PARD3B: variants seen among roughly 807,000 people sequenced by gnomAD.
PARD3B encodes partitioning defective 3 homolog B.
PARD3B carries 103 observed loss-of-function variants against 130.2 expected under a neutral mutation model. The observed-to-expected ratio is 0.79, with a 90% CI of 0.67 to 0.93. PARD3B has a LOEUF of 0.93. Among genes scored for constraint, PARD3B ranks in the 40% least tolerant of loss-of-function variants. PARD3B has a pLI of 0.00. For missense variants in PARD3B, 1,609 were observed against 1,499.2 expected (o/e 1.07, Z -1.21); for synonymous variants, 583 against 553.2 (o/e 1.05, Z -0.76).
chr2:205,295,803 G>T (rs2041768875), intron 16 of PARD3B, among the ~76,000 whole-genome samples: 1 of 152,086 alleles, frequency 6.6e-6, no homozygotes, highest in African/African-American at 2.4e-5. Context: ...GGGCAACTAA[G>T]ACTCCACTAT....
chr2:205,183,730 T>TTGTGTG lies in PARD3B; in HGVS notation c.1925-1995_1925-1990dup, dbSNP rs71410805. Among the ~76,000 whole-genome samples, 18,126 of 138,024 alleles carry TTGTGTG rather than the reference T, an allele frequency of 0.13. 1,265 individuals carry two copies. Among genetic ancestry groups the TTGTGTG allele is most frequent in the Non-Finnish European group, 0.16 (10,100 of 64,098 alleles). The allele number at this position is 138,024 out of a possible 152,430, so 90.5% of individuals were successfully genotyped here. On this transcript the variant is annotated intron_variant, in intron 13 of 22. Coordinates refer to ENST00000406610, the MANE Select transcript of PARD3B (RefSeq NM_001302769.2). The surrounding 1 kb of genome is among the most constrained non-coding windows in gnomAD (Gnocchi z 5.2). ...GGTTCTGCAGAGAAACAGAACCAAG[T>TTGTGTG]TGTGTGTGTGTGTGTGTGTGTGTGT...
At position 205,258,624 on chromosome 2, in the gene PARD3B, C is replaced by T. The variant is rs2040187288; in HGVS notation, c.2185+12802C>T. Reference sequence around the variant, plus strand: ...CCCCAGTTCCAAAAGCAGTGTGTGGCACACGGCAGGCATCCTTTACGTAGT... The same window carrying T: ...CCCCAGTTCCAAAAGCAGTGTGTGGTACACGGCAGGCATCCTTTACGTAGT... On this transcript the variant is annotated intron_variant, in intron 16 of 22. Coordinates refer to ENST00000406610, the MANE Select transcript of PARD3B (RefSeq NM_001302769.2). The surrounding 1 kb of genome is among the most constrained non-coding windows in gnomAD (Gnocchi z 4.9). Among the ~76,000 whole-genome samples, 1 of 152,170 alleles carries T rather than the reference C, an allele frequency of 6.6e-6. No homozygotes were observed. The highest frequency in any genetic ancestry group is 1.5e-5 in the Non-Finnish European group (1 of 68,022).
chr2:204,550,700 G>T (rs970920521), intron 1 of PARD3B, among the ~76,000 whole-genome samples: 1 of 152,168 alleles, frequency 6.6e-6, no homozygotes, highest in Non-Finnish European at 1.5e-5. Flanking sequence ...TGAATAATAT[G>T]TTTGTTTTAC....
intron 1 of PARD3B, among the ~76,000 whole-genome samples, chr2:204,567,150 G>T (rs970731793): frequency 6.6e-5 from 10 of 152,160 alleles, no homozygotes; most frequent in African/African-American, 2.4e-4. Context: ...AAAGTGCTGG[G>T]ATTACAGGCT....
At chr2:205,355,747 G>A (rs2044167254) in intron 18 of PARD3B, among the ~76,000 whole-genome samples, 1 of 152,160 alleles carries the variant, frequency 6.6e-6, no homozygotes, top group Non-Finnish European at 1.5e-5. Flanking sequence ...AGGTTTAATT[G>A]GCTCACAGTT....
intron 3 of PARD3B, among the ~76,000 whole-genome samples, chr2:205,007,853 A>G (rs1695400388): frequency 6.6e-6 from 1 of 152,042 alleles, no homozygotes; most frequent in African/African-American, 2.4e-5. Flanking sequence ...TTTCAACGAA[A>G]TCTATGATTT....
intron 19 of PARD3B, among the ~76,000 whole-genome samples, chr2:205,439,240 A>C (rs1156365520): frequency 6.6e-6 from 1 of 152,060 alleles, no homozygotes; most frequent in African/African-American, 2.4e-5. Context: ...TATACAGATC[A>C]TTCACTTCTA....
At chr2:205,199,757 T>A (rs190161124) in intron 15 of PARD3B, among the ~76,000 whole-genome samples, 1 of 152,206 alleles carries the variant, frequency 6.6e-6, no homozygotes, top group South Asian at 2.1e-4. Context: ...CAAAAAAGCA[T>A]GGCTGCCAGG....
At chr2:205,503,064 C>T (rs2050217553) in intron 21 of PARD3B, among the ~76,000 whole-genome samples, 1 of 150,706 alleles carries the variant, frequency 6.6e-6, no homozygotes, top group South Asian at 2.1e-4. Context: ...CTTCCCCTCT[C>T]CCCTTTTTCC....
chr2:205,138,909 G>C (rs1390256347), intron 10 of PARD3B, among the ~76,000 whole-genome samples: 1 of 152,198 alleles, frequency 6.6e-6, no homozygotes, highest in East Asian at 1.9e-4. Context: ...CATAGTAGTA[G>C]GCACAGATGG....
At chr2:205,556,622 A>G (rs1239584351) in intron 22 of PARD3B, among the ~76,000 whole-genome samples, 1 of 152,206 alleles carries the variant, frequency 6.6e-6, no homozygotes, top group Middle Eastern at 3.2e-3. Context: ...CCTAAGAAAA[A>G]TGACTTTACT....
chr2:205,272,759 G>A (rs986524298), intron 16 of PARD3B, among the ~76,000 whole-genome samples: 2 of 152,148 alleles, frequency 1.3e-5, no homozygotes, highest in Non-Finnish European at 2.9e-5. Context: ...ACATAATTCT[G>A]TCCCTTTTAT....
At chr2:205,318,016 C>T (rs1217342604) in intron 18 of PARD3B, among the ~76,000 whole-genome samples, 1 of 151,936 alleles carries the variant, frequency 6.6e-6, no homozygotes, top group African/African-American at 2.4e-5. Flanking sequence ...ATTCAAAACT[C>T]AAAAAAGAAA....
intron 2 of PARD3B, among the ~76,000 whole-genome samples, chr2:204,725,765 AAAC>A (rs2039197446): frequency 6.6e-6 from 1 of 152,220 alleles, no homozygotes; most frequent in African/African-American, 2.4e-5. Context: ...AACAAACAAA[AAAC>A]AACCAGAAAA....
Position 205,366,674 on chromosome 2 carries a change from T to C in PARD3B, c.2631-34339T>C, listed in dbSNP as rs2044622192. ...TCTCAAGCCTAAATTCACACTTTTT[T>C]TTTTCTTTAACTGTGACTGAACCTC... On this transcript the variant is annotated intron_variant, in intron 18 of 22. Coordinates refer to ENST00000406610, the MANE Select transcript of PARD3B (RefSeq NM_001302769.2). This position sits in a 1 kb window ranked among gnomAD's most constrained non-coding sequence, Gnocchi z 5.0. 6.6e-6 allele frequency among the ~76,000 whole-genome samples: 1 copy of C among 152,194 alleles called. No homozygotes were observed.
chr2:204,789,969 C>T (rs1679988056), intron 2 of PARD3B, among the ~76,000 whole-genome samples: 2 of 151,716 alleles, frequency 1.3e-5, no homozygotes, highest in African/African-American at 4.8e-5. Flanking sequence ...CTCCCGGGTT[C>T]ACGCCATTCT....
chr2:204,898,955 C>G (rs149464706), intron 2 of PARD3B, among the ~76,000 whole-genome samples: 2 of 151,788 alleles, frequency 1.3e-5, no homozygotes, highest in Non-Finnish European at 2.9e-5. Context: ...TCATTTTTGT[C>G]TTCCATAGGC....
intron 14 of PARD3B, among the ~76,000 whole-genome samples, chr2:205,191,075 GAAAAAA>G (rs5837960): frequency 3.1e-5 from 3 of 97,746 alleles, no homozygotes; most frequent in Non-Finnish European, 6.9e-5. Flanking sequence ...GAAAGAAATA[GAAAAAA>G]AAAAAAAAAA....
At chr2:204,654,437 C>T (rs966678948) in intron 1 of PARD3B, among the ~76,000 whole-genome samples, 6 of 145,894 alleles carry the variant, frequency 4.1e-5, no homozygotes, top group African/African-American at 1.7e-4. Context: ...TCACAGATAA[C>T]TCTGTTACCT....
Sources: gnomAD v4.1 joint callset for allele counts (sites outside exome capture counted in the v4.1 genomes callset) on GRCh38, gnomAD v4.1.1 for gene constraint, Gnocchi (gnomAD v3.1) non-coding constraint, MANE v1.5 for transcripts, NCBI Gene and HGNC (gene_info 2026-07-23, HGNC 2026-07-21) for gene names.